Variants in SOX8 observed in about 807,000 individuals in gnomAD.
SOX8 encodes the protein SRY-box transcription factor 8.
In SOX8, 9 loss-of-function variants were observed where a neutral mutation model predicts 22.9. The observed-to-expected ratio is 0.39, with a 90% CI of 0.24 to 0.69. The LOEUF is 0.69. SOX8 is among the 30% of genes least tolerant of loss of function. The pLI is 0.43. For missense variants in SOX8, 734 were observed against 699.4 expected (o/e 1.05, Z -0.56); for synonymous variants, 416 against 330.6 (o/e 1.26, Z -2.80).
Position 982,399 on chromosome 16 carries a change from G to C in SOX8, c.422+55G>C, listed in dbSNP as rs2073403534. The C allele has an allele frequency of 2.3e-6, 3 of 1,292,826 alleles. No homozygotes were observed. The Admixed American group carries it at 1.2e-4, about 53-fold the overall frequency. 80.1% of individuals were successfully genotyped at this position (1,292,826 alleles called of 1,614,324 possible). ...CGGGACCTTGGCCGCCCCTGGTCTC[G>C]GACTGCGAGCGGGGGCCTGGAGGGC... is the stretch of plus-strand genomic sequence containing the variant. On this transcript the variant is annotated intron_variant, in intron 1 of 2. Transcript: ENST00000293894.
intron 2 of SOX8, 120 bp from the exon 3 acceptor site, chr16:984,581 A>C (rs1347001101): frequency 1.7e-6 from 1 of 605,184 alleles, no homozygotes; most frequent in Non-Finnish European, 2.8e-6. Context: ...ATGTAAAGAA[A>C]CAAAAAGCCG....
rs1285401372 is a variant in SOX8 at position 984,915 on chromosome 16, C to T, written c.870C>T (p.Pro290=). The T allele has an allele frequency of 1.9e-6, 3 of 1,606,260 alleles. No individual in the cohort carries two copies. Among genetic ancestry groups the T allele is most frequent in the Non-Finnish European group, 2.6e-6 (3 of 1,176,304 alleles). ...FDVHEFDQYL[P]LGGPAPPEPG... The stretch of plus-strand genomic sequence containing the variant: ...TCCACGAGTTCGACCAGTACCTGCC[C>T]CTGGGCGGCCCCGCCCCACCCGAGC... Residue 290 remains proline, a synonymous_variant, in exon 3 of 3, where the codon CCC becomes CCT. Coordinates refer to ENST00000293894, the MANE Select transcript of SOX8 (RefSeq NM_014587.5).
rs1340235282 is a variant in SOX8 at position 986,710 on chromosome 16, T to G, written c.*1324T>G. ...CTTGTGCCTTTAAACTTTGTAAACTTAAACACAGCCGAGAAGTTGCTTCTT... is the reference window on the plus strand; with the variant it reads ...CTTGTGCCTTTAAACTTTGTAAACTGAAACACAGCCGAGAAGTTGCTTCTT... On this transcript the variant is annotated 3_prime_UTR_variant, in exon 3 of 3. Coordinates refer to ENST00000293894, the MANE Select transcript of SOX8 (RefSeq NM_014587.5). 1.3e-5 allele frequency: 2 copies of G among 149,152 alleles called. No individual in the cohort carries two copies. The highest frequency in any genetic ancestry group is 2.5e-5 in the African/African-American group (1 of 40,282). The allele number at this position is 149,152 out of a possible 1,614,324, so 9.2% of individuals were successfully genotyped here.
At position 986,095 on chromosome 16, in the gene SOX8, G is replaced by A. The variant is rs2073459026; in HGVS notation, c.*709G>A. Reference sequence around the variant, plus strand: ...TTATCTTTAATTAATGAGGTAATTCGGGCAAAGAGTAGAATTTAAGACAAA... The same window carrying A: ...TTATCTTTAATTAATGAGGTAATTCAGGCAAAGAGTAGAATTTAAGACAAA... On this transcript the variant is annotated 3_prime_UTR_variant, in exon 3 of 3. Coordinates refer to ENST00000293894, the MANE Select transcript of SOX8 (RefSeq NM_014587.5). The A allele has an allele frequency of 1.3e-5, 2 of 152,104 alleles. No individual in the cohort carries two copies. Among genetic ancestry groups the A allele is most frequent in the South Asian group, 2.1e-4 (1 of 4,820 alleles). The allele number at this position is 152,104 out of a possible 1,614,324, so 9.4% of individuals were successfully genotyped here.
chr16:983,629 C>T, intron 1 of SOX8, 99 bp from the exon 2 acceptor site: 1 of 1,168,672 alleles, frequency 8.6e-7, no homozygotes, highest in Non-Finnish European at 1.2e-6. Context: ...TCAGAGCCTC[C>T]TGGCCCCGGC....
Position 981,796 on chromosome 16 carries a change from G to GGCA in SOX8, c.-125_-124insAGC, listed in dbSNP as rs1269851668. 261 of 361,944 alleles carry GGCA rather than the reference G, an allele frequency of 7.2e-4. 1 individual carries two copies. Among genetic ancestry groups the GGCA allele is most frequent in the Non-Finnish European group, 8.8e-4 (228 of 258,040 alleles). 22.4% of individuals were successfully genotyped at this position (361,944 alleles called of 1,614,324 possible). On this transcript the variant is annotated 5_prime_UTR_variant, in exon 1 of 3. Transcript: ENST00000293894. Reference sequence around the variant, plus strand: ...GGACCCGAGCCTCGGCGGCGGCGGCGGCGGCGGCAGGGGCGAGGGTCGGGG... The same window carrying GGCA: ...GGACCCGAGCCTCGGCGGCGGCGGCGGCAGCGGCGGCAGGGGCGAGGGTCGGGG...
chr16:985,399 G>A lies in SOX8; in HGVS notation c.*13G>A, dbSNP rs535903934. ...GACCAGGCCCTGAGGGCCCAGCCGC[G>A]GGGAGGGACTCGCAGGCGTCAGGGG... On this transcript the variant is annotated 3_prime_UTR_variant, in exon 3 of 3. Coordinates refer to ENST00000293894, the MANE Select transcript of SOX8 (RefSeq NM_014587.5). 7.3e-5 allele frequency: 110 copies of A among 1,516,886 alleles called. No homozygotes were observed. The African/African-American group carries it at 1.1e-3, about 16-fold the overall frequency. 94.0% of individuals were successfully genotyped at this position (1,516,886 alleles called of 1,614,324 possible).
Position 985,101 on chromosome 16 carries a change from C to T in SOX8, c.1056C>T (p.Pro352=). The T allele has an allele frequency of 6.3e-7, 1 of 1,592,882 alleles. No individual in the cohort carries two copies. Among genetic ancestry groups the T allele is most frequent in the South Asian group, 1.1e-5 (1 of 89,890 alleles). The change falls in exon 3 of 3, where the codon CCC becomes CCT. Residue 352 remains proline (P), a synonymous_variant. Transcript: ENST00000293894. ...GCCCCGGCCACTACGGCGACCAGCC[C>T]CGAGGCTCGCCCGACTACGGTTCCT... The part of the protein sequence containing the change: ...QPSPGHYGDQ[P]RGSPDYGSCS...
rs752255046 is a variant in SOX8 at position 985,063 on chromosome 16, A to T, written c.1018A>T (p.Thr340Ser). ...ETGPPRPHIK[T>S]EQPSPGHYGD... ...GGGTCCCCCACGGCCGCACATCAAG[A>T]CGGAGCAGCCGAGCCCCGGCCACTA... Residue 340 changes from threonine to serine, a missense_variant, in exon 3 of 3, where the codon ACG becomes TCG. Physicochemically the swap from Thr to Ser is moderately conservative, Grantham distance 58. This residue lies in a region of SOX8 where 588 missense variants were observed against 568.2 expected (regional missense o/e 1.03). Coordinates refer to ENST00000293894, the MANE Select transcript of SOX8 (RefSeq NM_014587.5). 28 of 1,582,048 alleles carry T rather than the reference A, an allele frequency of 1.8e-5. No homozygotes were observed. In the Middle Eastern group the frequency reaches 1.1e-3, roughly 61 times the overall value.
At position 982,027 on chromosome 16, in the gene SOX8, T is replaced by C; in HGVS notation, c.105T>C (p.Ser35=). ...VEDSDSDAPP[S]PAGSEGLGRA... is the part of the protein sequence containing the mutation. ...ACTCGGACTCGGACGCGCCGCCGTC[T>C]CCCGCCGGCTCCGAGGGCCTGGGCC... The change falls in exon 1 of 3, where the codon TCT becomes TCC. Residue 35 remains serine (S), a synonymous_variant. Transcript: ENST00000293894. 1 of 1,377,004 alleles carries C rather than the reference T, an allele frequency of 7.3e-7. No individual in the cohort carries two copies. The highest frequency in any genetic ancestry group is 9.4e-7 in the Non-Finnish European group (1 of 1,065,724). The allele number at this position is 1,377,004 out of a possible 1,614,324, so 85.3% of individuals were successfully genotyped here. A position where few individuals can be genotyped will look rare whatever the true frequency, so the allele number is the denominator to read the frequency against.
Position 983,737 on chromosome 16 carries a change from C to T in SOX8, c.432C>T (p.Ser144=), listed in dbSNP as rs755447385. Residue 144 remains serine (S), a synonymous_variant, in exon 2 of 3, where the codon AGC becomes AGT. Transcript: ENST00000293894. ...CTGCCCTGTGCTGCAGCTTGCTGAGCGAGAGCGAGAAGCGGCCCTTCGTGG... is the reference window on the plus strand; with the variant it reads ...CTGCCCTGTGCTGCAGCTTGCTGAGTGAGAGCGAGAAGCGGCCCTTCGTGG... The part of the protein sequence containing the change: ...KTLGKLWRLL[S]ESEKRPFVEE... 6.8e-6 allele frequency: 11 copies of T among 1,611,862 alleles called. No homozygotes were observed. In the Admixed American group the frequency reaches 8.3e-5, roughly 12 times the overall value.
chr16:982,837 C>T (rs1483863839), intron 1 of SOX8: 2 of 154,192 alleles, frequency 1.3e-5, no homozygotes, highest in Admixed American at 6.5e-5. Flanking sequence ...GCAGGTTTGC[C>T]TGCGAGTACC....
In SOX8 at chr16:982,182, C is replaced by T. The variant is rs752208178; in HGVS notation, c.260C>T (p.Pro87Leu). 9 of 1,502,758 alleles carry T rather than the reference C, an allele frequency of 6.0e-6. No homozygotes were observed. Among genetic ancestry groups the T allele is most frequent in the Non-Finnish European group, 7.9e-6 (9 of 1,132,096 alleles). The allele number at this position is 1,502,758 out of a possible 1,614,324, so 93.1% of individuals were successfully genotyped here. Residue 87 changes from proline to leucine, a missense_variant, in exon 1 of 3, where the codon CCG (proline) becomes CTG (leucine). Pro to Leu is a moderately conservative substitution (Grantham distance 98). Coordinates refer to ENST00000293894, the MANE Select transcript of SOX8 (RefSeq NM_014587.5). Reference sequence around the variant, plus strand: ...TACGACTGGAGTCTGGTGCCCATGCCGGTGCGCGGCGGCGGCGGCGGCGCG... The same window carrying T: ...TACGACTGGAGTCTGGTGCCCATGCTGGTGCGCGGCGGCGGCGGCGGCGCG... ...KGYDWSLVPM[P>L]VRGGGGGALK...
chr16:982,140 CG>C lies in SOX8; in HGVS notation c.219del (p.Gln74ArgfsTer29). 1 of 1,439,464 alleles carries C rather than the reference CG, an allele frequency of 6.9e-7. No individual in the cohort carries two copies. The highest frequency in any genetic ancestry group is 9.1e-7 in the Non-Finnish European group (1 of 1,097,582). The allele number at this position is 1,439,464 out of a possible 1,614,324, so 89.2% of individuals were successfully genotyped here. On this transcript the variant is annotated frameshift_variant, in exon 1 of 3. Coordinates refer to ENST00000293894, the MANE Select transcript of SOX8 (RefSeq NM_014587.5). LOFTEE classifies it high-confidence loss of function. ...RFPACIRDAV[S>X]QVLKGYDWSL... is the part of the protein sequence containing the mutation. ...CCGGCCTGCATCCGCGACGCCGTGTCGCAGGTGCTCAAGGGCTACGACTGGA... is the reference window on the plus strand; with the variant it reads ...CCGGCCTGCATCCGCGACGCCGTGTCCAGGTGCTCAAGGGCTACGACTGGA...
chr16:984,880 G>T lies in SOX8; in HGVS notation c.835G>T (p.Ala279Ser). The T allele has an allele frequency of 6.2e-7, 1 of 1,611,416 alleles. No homozygotes were observed. Among genetic ancestry groups the T allele is most frequent in the South Asian group, 1.1e-5 (1 of 90,968 alleles). ...LSSEVMGTMDAFDVHEFDQYL... is the reference protein window; with the variant it reads ...LSSEVMGTMDSFDVHEFDQYL... ...CAGCGAGGTCATGGGCACCATGGAC[G>T]CCTTCGACGTCCACGAGTTCGACCA... The change falls in exon 3 of 3, where the codon GCC becomes TCC. Residue 279 changes from alanine (A) to serine (S), a missense_variant. Coordinates refer to ENST00000293894, the MANE Select transcript of SOX8 (RefSeq NM_014587.5).
At position 984,831 on chromosome 16, in the gene SOX8, C is replaced by T. The variant is rs2087520424; in HGVS notation, c.786C>T (p.Ser262=). The T allele has an allele frequency of 5.0e-6, 8 of 1,612,322 alleles. No homozygotes were observed. The highest frequency in any genetic ancestry group is 6.8e-6 in the Non-Finnish European group (8 of 1,179,614). ...GCGGGCGCCAGAACATCGACTTCAG[C>T]AACGTGGACATCTCGGAGCTCAGCA... is the stretch of plus-strand genomic sequence containing the variant. The part of the protein sequence containing the change: ...VDSGRQNIDF[S]NVDISELSSE... The change falls in exon 3 of 3, where the codon AGC becomes AGT. Residue 262 remains serine (S), a synonymous_variant. Transcript: ENST00000293894.
At position 982,593 on chromosome 16, in the gene SOX8, C is replaced by T. The variant is rs9926985; in HGVS notation, c.422+249C>T. 6.8e-4 allele frequency: 265 copies of T among 389,166 alleles called. 1 individual carries two copies. Among genetic ancestry groups the T allele is most frequent in the African/African-American group, 4.9e-3 (237 of 48,306 alleles). The allele number at this position is 389,166 out of a possible 1,614,324, so 24.1% of individuals were successfully genotyped here. A position where few individuals can be genotyped will look rare whatever the true frequency, so the allele number is the denominator to read the frequency against. Reference sequence around the variant, plus strand: ...GCGCCTGGGGTGTGCACCCTCGTGGCGGGTGCGCTCTGGAGCCAGTTCTCC... The same window carrying T: ...GCGCCTGGGGTGTGCACCCTCGTGGTGGGTGCGCTCTGGAGCCAGTTCTCC... On this transcript the variant is annotated intron_variant, in intron 1 of 2. Coordinates refer to ENST00000293894, the MANE Select transcript of SOX8 (RefSeq NM_014587.5).
At position 984,683 on chromosome 16, in the gene SOX8, C is replaced by T. The variant is rs1224958018; in HGVS notation, c.656-18C>T. The T allele has an allele frequency of 2.0e-6, 3 of 1,465,028 alleles. No homozygotes were observed. Among genetic ancestry groups the T allele is most frequent in the African/African-American group, 1.4e-5 (1 of 69,754 alleles). 90.8% of individuals were successfully genotyped at this position (1,465,028 alleles called of 1,614,324 possible). A position where few individuals can be genotyped will look rare whatever the true frequency, so the allele number is the denominator to read the frequency against. On this transcript the variant is annotated intron_variant, in intron 2 of 2. Transcript: ENST00000293894. ...CAGAAGGGGCATTCATCCCTGAAGC[C>T]TGCTCTCCTGTCCCCAGGGCAGACC... is the stretch of plus-strand genomic sequence containing the variant.
Position 981,966 on chromosome 16 carries a change from C to T in SOX8, c.44C>T (p.Pro15Leu). Residue 15 changes from proline to leucine, a missense_variant, in exon 1 of 3, where the codon CCG becomes CTG. This residue lies in a region of SOX8 where 139 missense variants were observed against 109.1 expected (regional missense o/e 1.27). Transcript: ENST00000293894. ...GCCCGCTCCCAGCCGCCCTGCAGCC[C>T]GTCCGGCACCGCCAGCTCCATGTCG... Reference protein sequence around the residue: ...SEARSQPPCSPSGTASSMSHV... With the variant: ...SEARSQPPCSLSGTASSMSHV... 10 of 1,439,272 alleles carry T rather than the reference C, an allele frequency of 6.9e-6. No homozygotes were observed. The highest frequency in any genetic ancestry group is 9.1e-6 in the Non-Finnish European group (10 of 1,095,488). The allele number at this position is 1,439,272 out of a possible 1,614,324, so 89.2% of individuals were successfully genotyped here. A position where few individuals can be genotyped will look rare whatever the true frequency, so the allele number is the denominator to read the frequency against.
Sources: allele counts gnomAD v4.1 joint callset, GRCh38; gene constraint gnomAD v4.1.1; regional missense constraint gnomAD v4.1.1; transcripts MANE v1.5; gene names NCBI Gene and HGNC (gene_info 2026-07-23, HGNC 2026-07-21).